The following AFF1 variants were observed in gnomAD, a reference collection of about 807,000 sequenced individuals.
AFF1 encodes ALF transcription elongation factor 1, also known as AF4/FMR2 family member 1.
A neutral mutation model predicts 121.7 loss-of-function variants in AFF1; 48 were observed. That is an observed-to-expected ratio of 0.39 (90% confidence interval 0.31 to 0.50). The LOEUF is 0.50. Ranked by LOEUF, AFF1 falls within the 20% of genes least tolerant of loss-of-function variation. The probability of loss-of-function intolerance (pLI) is 0.76; values close to 1 mark genes in which losing one functional copy is unlikely to be tolerated. For synonymous variants in AFF1, 613 were observed against 563.0 expected, an observed-to-expected ratio of 1.09 and a Z score of -1.26; for missense variants, 1,523 against 1,511.7, an observed-to-expected ratio of 1.01 and a Z score of -0.12.
intron 4 of AFF1, among the ~76,000 whole-genome samples, chr4:87,068,098 A>G (rs2149669829): frequency 6.6e-6 from 1 of 152,280 alleles, no homozygotes; most frequent in South Asian, 2.1e-4. Flanking sequence ...TAGGAAACTT[A>G]GGATCATTTG....
intron 2 of AFF1, among the ~76,000 whole-genome samples, chr4:87,002,434 T>TAG (rs1458056304): frequency 1.4e-5 from 2 of 143,900 alleles, no homozygotes; most frequent in Non-Finnish European, 3.1e-5. Flanking sequence ...AGTTTTTTTT[T>TAG]TTTTTTTTTT....
At chr4:86,950,456 C>T (rs1275808602) in intron 2 of AFF1, among the ~76,000 whole-genome samples, 1 of 152,236 alleles carries the variant, frequency 6.6e-6, no homozygotes, top group Non-Finnish European at 1.5e-5. Context: ...AGGCGTGAGC[C>T]GCTGTGCCCA....
intron 2 of AFF1, among the ~76,000 whole-genome samples, chr4:87,039,375 G>C (rs773340335): frequency 6.6e-6 from 1 of 152,238 alleles, no homozygotes; most frequent in Non-Finnish European, 1.5e-5. Flanking sequence ...TTGAGGGGCT[G>C]AACAGGCAGC....
chr4:87,007,498 G>C (rs959364078), intron 2 of AFF1: 1 of 1,596,196 alleles, frequency 6.3e-7, no homozygotes, highest in African/African-American at 1.3e-5. Context: ...GGGAGGGCAG[G>C]GTGCGGGGAA....
chr4:87,114,947 C>G lies in AFF1; in HGVS notation c.2114C>G (p.Pro705Arg), dbSNP rs769681125. 1 of 1,612,982 alleles carries G rather than the reference C, an allele frequency of 6.2e-7. No homozygotes were observed. Among genetic ancestry groups the G allele is most frequent in the Non-Finnish European group, 8.5e-7 (1 of 1,179,488 alleles). ...PAKDNVEDRT[P>R]EHFALVPLTE... ...AAGGACAATGTGGAGGACAGGACCC[C>G]TGAGCACTTTGCTCTTGTTCCCCTG... is the stretch of plus-strand genomic sequence containing the variant. The change falls in exon 12 of 21, where the codon CCT (proline) becomes CGT (arginine). Residue 705 changes from proline (P) to arginine (R), a missense_variant. By Grantham distance (103) the Pro-to-Arg change is moderately radical (BLOSUM62 -2). Around this residue, in one of 5 missense-constraint regions of AFF1, gnomAD observed 905 missense variants for 842.5 expected, o/e 1.07. Transcript: ENST00000395146.
At chr4:86,958,441 G>A (rs1721913224) in intron 2 of AFF1, among the ~76,000 whole-genome samples, 1 of 152,090 alleles carries the variant, frequency 6.6e-6, no homozygotes, top group Admixed American at 6.5e-5. Flanking sequence ...TTTTTAGCCA[G>A]GTGCGGTGGC....
At chr4:87,024,674 T>G (rs1436372441) in intron 2 of AFF1, among the ~76,000 whole-genome samples, 1 of 152,138 alleles carries the variant, frequency 6.6e-6, no homozygotes, top group Non-Finnish European at 1.5e-5. Context: ...CACTGCAACC[T>G]CTGCCTCCTG....
At chr4:87,131,952 T>C in intron 18 of AFF1, 88 bp downstream of exon 18, 1 of 1,192,280 alleles carries the variant, frequency 8.4e-7, no homozygotes, top group Non-Finnish European at 1.1e-6. Flanking sequence ...GTTTTCTTAA[T>C]GTGAAAATTA....
At chr4:87,098,126 TA>T (rs1425519845) in intron 8 of AFF1, among the ~76,000 whole-genome samples, 1 of 152,170 alleles carries the variant, frequency 6.6e-6, no homozygotes, top group African/African-American at 2.4e-5. Flanking sequence ...GAATAGGACA[TA>T]TAAGAGTATA....
intron 2 of AFF1, among the ~76,000 whole-genome samples, chr4:87,005,284 A>G (rs1375439024): frequency 2.0e-5 from 3 of 152,146 alleles, no homozygotes; most frequent in Admixed American, 6.5e-5. Context: ...TGGCCTACCC[A>G]TGTATGATTC....
chr4:86,967,332 CA>C (rs1722605849), intron 2 of AFF1, among the ~76,000 whole-genome samples: 2 of 152,080 alleles, frequency 1.3e-5, no homozygotes, highest in African/African-American at 4.8e-5. Context: ...AAAAACAAAA[CA>C]GAAGTAAACC....
At chr4:87,126,856 G>A (rs544501072) in intron 14 of AFF1, among the ~76,000 whole-genome samples, 170 bp from the exon 15 acceptor site, 1 of 152,272 alleles carries the variant, frequency 6.6e-6, no homozygotes, top group African/African-American at 2.4e-5. Flanking sequence ...CAGAACCACC[G>A]CTTCAGTTGA....
intron 2 of AFF1, among the ~76,000 whole-genome samples, chr4:86,964,090 T>C (rs1313637625): frequency 1.3e-5 from 2 of 151,138 alleles, no homozygotes; most frequent in African/African-American, 4.9e-5. Flanking sequence ...AGTGCTGGGA[T>C]TACAGGCATG....
At chr4:87,131,925 A>C (rs750100469) in intron 18 of AFF1, 61 bp downstream of exon 18, 199 of 1,366,488 alleles carry the variant, frequency 1.5e-4, no homozygotes, top group Non-Finnish European at 1.9e-4. Flanking sequence ...TGATGTTACA[A>C]AAAGATTCTG....
chr4:87,117,878 T>G (rs1727286991), intron 12 of AFF1, among the ~76,000 whole-genome samples: 1 of 152,160 alleles, frequency 6.6e-6, no homozygotes, highest in Non-Finnish European at 1.5e-5. Flanking sequence ...CCCTGACTGC[T>G]TGTTAGGGCT....
chr4:86,940,278 G>C (rs1275658680), intron 1 of AFF1, among the ~76,000 whole-genome samples: 1 of 152,326 alleles, frequency 6.6e-6, no homozygotes, highest in South Asian at 2.1e-4. Context: ...CAAGATAGCT[G>C]TAGCCAGAAT....
At chr4:86,965,825 A>T (rs1401794983) in intron 2 of AFF1, among the ~76,000 whole-genome samples, 1 of 152,178 alleles carries the variant, frequency 6.6e-6, no homozygotes, top group African/African-American at 2.4e-5. Flanking sequence ...ACACCCACTC[A>T]CATGACCTTC....
At position 87,139,359 on chromosome 4, in the gene AFF1, G is replaced by GTT. The variant is rs1275474202; in HGVS notation, c.*3661_*3662dup. ...GTTTTTTTGTTTTTTGTTTTGTTTT[G>GTT]TTTTGTTTTGTTTTCTTGTACTTAA... On this transcript the variant is annotated 3_prime_UTR_variant, in exon 21 of 21. Coordinates refer to ENST00000395146, the MANE Select transcript of AFF1 (RefSeq NM_001166693.3). 2 of 232,778 alleles carry GTT rather than the reference G, an allele frequency of 8.6e-6. No individual in the cohort carries two copies. The highest frequency in any genetic ancestry group is 1.7e-5 in the Non-Finnish European group (2 of 117,810). The allele number at this position is 232,778 out of a possible 1,614,324, so 14.4% of individuals were successfully genotyped here.
At chr4:87,008,413 T>C (rs1242678080) in intron 2 of AFF1, among the ~76,000 whole-genome samples, 1 of 152,224 alleles carries the variant, frequency 6.6e-6, no homozygotes, top group South Asian at 2.1e-4. Flanking sequence ...TAGAACTTTC[T>C]AGGAAGGAAA....
Sources: allele counts gnomAD v4.1 joint callset (sites outside exome capture counted in the v4.1 genomes callset), GRCh38; gene constraint gnomAD v4.1.1; regional missense constraint gnomAD v4.1.1; transcripts MANE v1.5; gene names NCBI Gene and HGNC (gene_info 2026-07-23, HGNC 2026-07-21).